Variants in PRKD1 observed in about 807,000 individuals in gnomAD.
PRKD1 encodes the protein protein kinase D1.
A neutral mutation model predicts 95.9 loss-of-function variants in PRKD1; 63 were observed. That is an observed-to-expected ratio of 0.66 (90% confidence interval 0.54 to 0.81). The LOEUF (loss-of-function observed/expected upper bound fraction) is 0.81, where lower values mean the gene tolerates loss of function less well. PRKD1 is among the 30% of genes least tolerant of loss of function. PRKD1 has a pLI of 0.00. For missense variants in PRKD1, 1,048 were observed against 1,165.3 expected (o/e 0.90, Z 1.47); for synonymous variants, 425 against 423.1 (o/e 1.00, Z -0.05).
At chr14:29,669,601 C>A (rs1036711290) in intron 2 of PRKD1, among the ~76,000 whole-genome samples, 1 of 152,198 alleles carries the variant, frequency 6.6e-6, no homozygotes, top group Non-Finnish European at 1.5e-5. Flanking sequence ...GGCATAGTGG[C>A]TCACGCCTGG....
chr14:29,687,614 C>T (rs1883960378), intron 2 of PRKD1, among the ~76,000 whole-genome samples: 1 of 152,204 alleles, frequency 6.6e-6, no homozygotes, highest in Non-Finnish European at 1.5e-5. Context: ...TCTTTAGTTA[C>T]TACAACCACT....
chr14:29,832,718 G>C (rs913899197), intron 1 of PRKD1, among the ~76,000 whole-genome samples: 1 of 151,746 alleles, frequency 6.6e-6, no homozygotes, highest in Admixed American at 6.6e-5. Context: ...ATTTCAATTT[G>C]AATACTATTC....
chr14:29,628,917 C>T, intron 11 of PRKD1, 124 bp downstream of exon 11: 1 of 565,048 alleles, frequency 1.8e-6, no homozygotes, highest in Non-Finnish European at 2.8e-6. Flanking sequence ...AAAAAATATC[C>T]AAATTCTATT....
At chr14:29,608,406 T>C (rs1878173618) in intron 13 of PRKD1, among the ~76,000 whole-genome samples, 1 of 152,170 alleles carries the variant, frequency 6.6e-6, no homozygotes, top group South Asian at 2.1e-4. Context: ...TAATATTTTA[T>C]ATTAACATAA....
chr14:29,893,521 C>A (rs923316451), intron 1 of PRKD1, among the ~76,000 whole-genome samples: 1 of 151,776 alleles, frequency 6.6e-6, no homozygotes, highest in African/African-American at 2.4e-5. Flanking sequence ...GAATCTTGCT[C>A]TTAATTAAAG....
intron 1 of PRKD1, among the ~76,000 whole-genome samples, chr14:29,771,452 GCTGCT>G (rs1195480975): frequency 1.3e-5 from 2 of 152,118 alleles, no homozygotes. Context: ...CCCCATGTTG[GCTGCT>G]CTTCCAGTTA....
chr14:29,644,318 G>A (rs1243099911), intron 4 of PRKD1, among the ~76,000 whole-genome samples: 2 of 152,140 alleles, frequency 1.3e-5, no homozygotes, highest in Non-Finnish European at 2.9e-5. Context: ...GAAAATCTGT[G>A]CAGAACTCTT....
chr14:29,854,799 G>C (rs950165763), intron 1 of PRKD1, among the ~76,000 whole-genome samples: 2 of 152,152 alleles, frequency 1.3e-5, no homozygotes, highest in African/African-American at 2.4e-5. Context: ...TCCATGCTTT[G>C]TGCAGCCTAG....
chr14:29,735,324 G>C (rs1886660515), intron 1 of PRKD1, among the ~76,000 whole-genome samples: 1 of 152,176 alleles, frequency 6.6e-6, no homozygotes, highest in Admixed American at 6.5e-5. Flanking sequence ...GCTACACTGG[G>C]TGGAACTTTA....
At chr14:29,644,351 A>C (rs1374867725) in intron 4 of PRKD1, among the ~76,000 whole-genome samples, 2 of 152,194 alleles carry the variant, frequency 1.3e-5, no homozygotes, top group Non-Finnish European at 2.9e-5. Flanking sequence ...TCAAACACTT[A>C]ATAGGCTGTT....
At chr14:29,750,133 G>A (rs961019537) in intron 1 of PRKD1, among the ~76,000 whole-genome samples, 2 of 152,060 alleles carry the variant, frequency 1.3e-5, no homozygotes, top group Non-Finnish European at 2.9e-5. Context: ...GTGAAACAAA[G>A]GACGTTTCAT....
intron 1 of PRKD1, among the ~76,000 whole-genome samples, chr14:29,922,705 G>A (rs1895163197): frequency 1.3e-5 from 2 of 151,812 alleles, no homozygotes; most frequent in Non-Finnish European, 2.9e-5. Flanking sequence ...GCAACACAGT[G>A]AGACATTGTC....
intron 1 of PRKD1, among the ~76,000 whole-genome samples, chr14:29,904,572 C>G (rs903996756): frequency 2.0e-5 from 3 of 152,122 alleles, no homozygotes; most frequent in Admixed American, 2.0e-4. Context: ...GATAATAACA[C>G]TAGCAATAAT....
chr14:29,660,693 T>C (rs1250977096), intron 4 of PRKD1, among the ~76,000 whole-genome samples: 1 of 152,146 alleles, frequency 6.6e-6, no homozygotes, highest in Non-Finnish European at 1.5e-5. Flanking sequence ...GCTTTGACTT[T>C]TCCCAAATAC....
intron 13 of PRKD1, among the ~76,000 whole-genome samples, chr14:29,606,606 CA>C (rs1877992010): frequency 1.3e-5 from 2 of 152,092 alleles, no homozygotes; most frequent in African/African-American, 4.8e-5. Context: ...CAAAAGCCAC[CA>C]GGAAACAGTT....
At chr14:29,801,585 A>G (rs1351710230) in intron 1 of PRKD1, among the ~76,000 whole-genome samples, 1 of 152,220 alleles carries the variant, frequency 6.6e-6, no homozygotes, top group Non-Finnish European at 1.5e-5. Context: ...AAACAAAACA[A>G]AAAACAAGTG....
chr14:29,897,570 A>G (rs1247458878), intron 1 of PRKD1, among the ~76,000 whole-genome samples: 1 of 152,192 alleles, frequency 6.6e-6, no homozygotes, highest in Non-Finnish European at 1.5e-5. Flanking sequence ...TATTTGTGTC[A>G]CAGTTTCCTA....
At chr14:29,834,359 C>G (rs952743194) in intron 1 of PRKD1, among the ~76,000 whole-genome samples, 3 of 152,032 alleles carry the variant, frequency 2.0e-5, no homozygotes, top group African/African-American at 7.2e-5. Context: ...GAAACAGAGG[C>G]CTGATTTTTA....
rs1332053512 is a variant in PRKD1 at position 29,636,355 on chromosome 14, G to A, written c.1125C>T (p.Cys375=). 1 of 1,614,028 alleles carries A rather than the reference G, an allele frequency of 6.2e-7. No individual in the cohort carries two copies. Among genetic ancestry groups the A allele is most frequent in the Non-Finnish European group, 8.5e-7 (1 of 1,180,040 alleles). The change falls in exon 7 of 18, where the codon TGC becomes TGT. Residue 375 remains cysteine (C), a synonymous_variant. Coordinates refer to ENST00000331968, the MANE Select transcript of PRKD1 (RefSeq NM_002742.3). ...VQDAEMAMAE[C]QNDSGEMQDP... ...CTTGCATCTCGCCACTGTCGTTCTG[G>A]CACTCTGCCATTGCCATCTCTGCAT...
Sources: gnomAD v4.1 joint callset for allele counts (sites outside exome capture counted in the v4.1 genomes callset) on GRCh38, gnomAD v4.1.1 for gene constraint, MANE v1.5 for transcripts, NCBI Gene and HGNC (gene_info 2026-07-23, HGNC 2026-07-21) for gene names.